The following PCDHA7 variants were observed in gnomAD, a reference collection of about 807,000 sequenced individuals.
PCDHA7 encodes protocadherin alpha 7.
PCDHA7 carries 37 observed loss-of-function variants against 57.2 expected under a neutral mutation model. The observed-to-expected ratio is 0.65, with a 90% CI of 0.50 to 0.85. PCDHA7 has a LOEUF of 0.85. PCDHA7 is among the 40% of genes least tolerant of loss of function. PCDHA7 has a pLI of 0.00. For synonymous variants in PCDHA7, 553 were observed against 558.8 expected, an observed-to-expected ratio of 0.99 and a Z score of 0.15; for missense variants, 1,188 against 1,241.8, an observed-to-expected ratio of 0.96 and a Z score of 0.65.
At chr5:140,865,343 A>T (rs1386264377) in intron 1 of PCDHA7, 1 of 152,216 alleles carries the variant, frequency 6.6e-6, no homozygotes, top group Non-Finnish European at 1.5e-5. Flanking sequence ...AAGAAATAGT[A>T]TATTTACATA....
chr5:140,874,295 C>G (rs1395734627), intron 1 of PCDHA7, among the ~76,000 whole-genome samples: 2 of 152,110 alleles, frequency 1.3e-5, no homozygotes, highest in Non-Finnish European at 2.9e-5. Context: ...TCTATGTGTA[C>G]TTGTTCACAA....
intron 1 of PCDHA7, among the ~76,000 whole-genome samples, chr5:140,890,478 G>A (rs1358799219): frequency 1.3e-5 from 2 of 151,984 alleles, no homozygotes; most frequent in Non-Finnish European, 2.9e-5. Flanking sequence ...TTTTTTGTGC[G>A]TTATTTTTGT....
intron 1 of PCDHA7, among the ~76,000 whole-genome samples, chr5:140,932,235 G>A (rs372410374): frequency 4.0e-5 from 6 of 151,638 alleles, no homozygotes; most frequent in African/African-American, 1.5e-4. Context: ...TTTTAGAATG[G>A]TATCTAAGAG....
At chr5:140,838,842 A>G (rs1775908349) in intron 1 of PCDHA7, among the ~76,000 whole-genome samples, 1 of 151,970 alleles carries the variant, frequency 6.6e-6, no homozygotes. Flanking sequence ...GGATCACTTA[A>G]GCCAGGGAGG....
chr5:140,876,155 T>C lies in PCDHA7; in HGVS notation c.2355+39417T>C, dbSNP rs1554168308. Reference sequence around the variant, plus strand: ...CCAGAACTAACAGGGTCTGTCCAGATTCAAATAACCGTCCTGGATGTGAAT... The same window carrying C: ...CCAGAACTAACAGGGTCTGTCCAGACTCAAATAACCGTCCTGGATGTGAAT... On this transcript the variant is annotated intron_variant, in intron 1 of 3. Coordinates refer to ENST00000525929, the MANE Select transcript of PCDHA7 (RefSeq NM_018910.3). 3 of 1,613,994 alleles carry C rather than the reference T, an allele frequency of 1.9e-6. No homozygotes were observed. Among genetic ancestry groups the C allele is most frequent in the Admixed American group, 3.3e-5 (2 of 60,026 alleles).
At chr5:140,908,013 G>A (rs2073743163) in intron 1 of PCDHA7, among the ~76,000 whole-genome samples, 1 of 152,070 alleles carries the variant, frequency 6.6e-6, no homozygotes, top group Non-Finnish European at 1.5e-5. Context: ...CAAACCACTG[G>A]CTACAGCCCA....
chr5:140,869,737 C>T (rs781857700), intron 1 of PCDHA7: 4 of 1,613,276 alleles, frequency 2.5e-6, no homozygotes, highest in Admixed American at 1.7e-5. Context: ...TAATTTGCTG[C>T]TAACAGCTAC....
intron 1 of PCDHA7, chr5:140,927,096 G>A (rs1554204014): frequency 1.2e-6 from 2 of 1,612,778 alleles, no homozygotes; most frequent in Admixed American, 1.7e-5. Context: ...ACTTCGGGGT[G>A]GATCTACCCA....
chr5:141,008,286 A>G (rs944894226), intron 3 of PCDHA7, among the ~76,000 whole-genome samples: 1 of 152,248 alleles, frequency 6.6e-6, no homozygotes, highest in Admixed American at 6.5e-5. Flanking sequence ...TTGAAATAGC[A>G]GTTGTACCCA....
At chr5:141,005,442 G>A (rs529691807) in intron 3 of PCDHA7, among the ~76,000 whole-genome samples, 39 of 152,092 alleles carry the variant, frequency 2.6e-4, no homozygotes, top group Middle Eastern at 3.4e-3. Context: ...AGAGGCTCAC[G>A]CCTGTAATCC....
intron 3 of PCDHA7, among the ~76,000 whole-genome samples, chr5:140,989,801 G>A (rs1554251107): frequency 1.3e-5 from 2 of 152,184 alleles, no homozygotes; most frequent in Non-Finnish European, 1.5e-5. Context: ...CCCAGGAAAG[G>A]GCCATAAGAT....
chr5:140,938,899 A>C (rs1175857132), intron 1 of PCDHA7, among the ~76,000 whole-genome samples: 1 of 151,886 alleles, frequency 6.6e-6, no homozygotes, highest in Non-Finnish European at 1.5e-5. Flanking sequence ...ACAGATGCGC[A>C]CACACACACA....
intron 1 of PCDHA7, among the ~76,000 whole-genome samples, chr5:140,931,177 A>G (rs1288307941): frequency 1.3e-5 from 2 of 152,200 alleles, no homozygotes; most frequent in African/African-American, 4.8e-5. Context: ...ATTTTAGGGA[A>G]GGAAATTGGT....
chr5:140,853,726 C>T lies in PCDHA7; in HGVS notation c.2355+16988C>T, dbSNP rs545120074. 3.5e-4 allele frequency: 346 copies of T among 988,324 alleles called. 23 individuals are homozygous for T. The highest frequency in any genetic ancestry group is 4.1e-4 in the Non-Finnish European group (339 of 820,418). The allele number at this position is 988,324 out of a possible 1,614,324, so 61.2% of individuals were successfully genotyped here. On this transcript the variant is annotated intron_variant, in intron 1 of 3. Transcript: ENST00000525929. ...CATTAGCATTAGCAGCACCTAAGTC[C>T]TCATTGAATGTTCTGGTTCAAGGCT...
intron 1 of PCDHA7, among the ~76,000 whole-genome samples, chr5:140,970,194 A>G (rs1202666673): frequency 6.6e-6 from 1 of 152,204 alleles, no homozygotes; most frequent in African/African-American, 2.4e-5. Context: ...TTGTAAGAGG[A>G]TTTCCCTGAA....
At chr5:140,915,479 G>T (rs1170530979) in intron 1 of PCDHA7, among the ~76,000 whole-genome samples, 1 of 151,948 alleles carries the variant, frequency 6.6e-6, no homozygotes, top group African/African-American at 2.4e-5. Flanking sequence ...AAGGAGCTTG[G>T]GCCTCAATCC....
At chr5:140,975,849 A>G (rs1157741908) in intron 1 of PCDHA7, among the ~76,000 whole-genome samples, 1 of 152,208 alleles carries the variant, frequency 6.6e-6, no homozygotes, top group Non-Finnish European at 1.5e-5. Flanking sequence ...CAGTAATACT[A>G]CATCACCCAT....
intron 1 of PCDHA7, chr5:140,966,644 GCGTGAGCGGT>G (rs1554228519): frequency 3.3e-5 from 37 of 1,127,012 alleles, no homozygotes; most frequent in Non-Finnish European, 4.3e-5. Flanking sequence ...GCTTTCTAGA[GCGTGAGCGGT>G]GGGGGAGCAG....
At chr5:140,929,195 G>GT in intron 1 of PCDHA7, 2 of 1,614,140 alleles carry the variant, frequency 1.2e-6, no homozygotes, top group Non-Finnish European at 1.7e-6. Context: ...GATAATAACA[G>GT]TTTGCTGTTG....
Sources: allele counts gnomAD v4.1 joint callset (sites outside exome capture counted in the v4.1 genomes callset), GRCh38; gene constraint gnomAD v4.1.1; transcripts MANE v1.5; gene names NCBI Gene and HGNC (gene_info 2026-07-23, HGNC 2026-07-21).